FGF1: variants seen among roughly 807,000 people sequenced by gnomAD.
The protein encoded by FGF1 is fibroblast growth factor 1, also known as beta-endothelial cell growth factor.
A neutral mutation model predicts 13.4 loss-of-function variants in FGF1; 9 were observed. That is an observed-to-expected ratio of 0.67 (90% CI 0.40 to 1.17). The LOEUF is 1.17. Ranked by LOEUF, FGF1 falls within the 50% of genes most tolerant of loss-of-function variation. The probability of loss-of-function intolerance (pLI) is 0.01; values close to 1 mark genes in which losing one functional copy is unlikely to be tolerated. For synonymous variants in FGF1, 93 were observed against 79.0 expected (o/e 1.18, Z -0.94); for missense variants, 156 against 192.7 (o/e 0.81, Z 1.13).
intron 1 of FGF1, among the ~76,000 whole-genome samples, chr5:142,651,983 C>T (rs1767347056): frequency 6.6e-6 from 1 of 152,158 alleles, no homozygotes; most frequent in Admixed American, 6.5e-5. Context: ...TTAAGTGCTT[C>T]GTACCATGCG....
At chr5:142,635,800 G>A (rs1764154121) in intron 1 of FGF1, among the ~76,000 whole-genome samples, 1 of 152,336 alleles carries the variant, frequency 6.6e-6, no homozygotes, top group Non-Finnish European at 1.5e-5. Flanking sequence ...AGACTCCCTA[G>A]TCTGGGTGAT....
At position 142,594,443 on chromosome 5, in the gene FGF1, T is replaced by G. The variant is rs1430375616; in HGVS notation, c.*847A>C. Reference sequence around the variant, plus strand: ...TTTCTTTTTCCTTCTCCTTCTGAAATCATCCTCTTTTTATGGTATCCCCTC... The same window carrying G: ...TTTCTTTTTCCTTCTCCTTCTGAAAGCATCCTCTTTTTATGGTATCCCCTC... On this transcript the variant is annotated 3_prime_UTR_variant, in exon 4 of 4. Transcript: ENST00000337706. The G allele has an allele frequency of 6.6e-6, 1 of 152,360 alleles. No individual in the cohort carries two copies. The highest frequency in any genetic ancestry group is 1.9e-4 in the East Asian group (1 of 5,208). The allele number at this position is 152,360 out of a possible 1,614,324, so 9.4% of individuals were successfully genotyped here.
At chr5:142,631,893 C>T (rs570208678) in intron 1 of FGF1, among the ~76,000 whole-genome samples, 2 of 149,632 alleles carry the variant, frequency 1.3e-5, no homozygotes, top group South Asian at 4.2e-4. Flanking sequence ...AAGCGATTCT[C>T]CTGCCTCAGC....
At position 142,594,972 on chromosome 5, in the gene FGF1, C is replaced by A; in HGVS notation, c.*318G>T. On this transcript the variant is annotated 3_prime_UTR_variant, in exon 4 of 4. Transcript: ENST00000337706. ...GTTACTAATGTCCCACTTAGCCGACCCCTTAACACACTTCATTTAGCCCCA... is the reference window on the plus strand; with the variant it reads ...GTTACTAATGTCCCACTTAGCCGACACCTTAACACACTTCATTTAGCCCCA... 1 of 256,642 alleles carries A rather than the reference C, an allele frequency of 3.9e-6. No homozygotes were observed. Among genetic ancestry groups the A allele is most frequent in the South Asian group, 9.7e-5 (1 of 10,338 alleles). The allele number at this position is 256,642 out of a possible 1,614,324, so 15.9% of individuals were successfully genotyped here. A position where few individuals can be genotyped will look rare whatever the true frequency, so the allele number is the denominator to read the frequency against.
At chr5:142,599,458 A>G (rs555275739) in intron 3 of FGF1, among the ~76,000 whole-genome samples, 32 of 152,274 alleles carry the variant, frequency 2.1e-4, no homozygotes, top group Admixed American at 1.6e-3. Flanking sequence ...ATTCGATGTA[A>G]GTTGAAGCTC....
At chr5:142,600,874 G>T in intron 2 of FGF1, 69 bp from the exon 3 acceptor site, 1 of 1,153,554 alleles carries the variant, frequency 8.7e-7, no homozygotes, top group Non-Finnish European at 1.3e-6. Context: ...CCGGCAGCCA[G>T]GACAGTTGGC....
At chr5:142,662,708 A>T (rs1264054477) in intron 1 of FGF1, among the ~76,000 whole-genome samples, 2 of 152,220 alleles carry the variant, frequency 1.3e-5, no homozygotes, top group Non-Finnish European at 2.9e-5. Flanking sequence ...TGAAACAGAC[A>T]TCTCTTTGCC....
chr5:142,692,855 CA>C (rs1752464705), intron 2 of FGF1, among the ~76,000 whole-genome samples: 1 of 151,930 alleles, frequency 6.6e-6, no homozygotes, highest in African/African-American at 2.4e-5. Flanking sequence ...AACAAACAAA[CA>C]AACCCAATCT....
chr5:142,695,581 C>CAAAAAAAAAAAAAAAA (rs1202362613), intron 2 of FGF1, among the ~76,000 whole-genome samples: 1 of 117,310 alleles, frequency 8.5e-6, no homozygotes, highest in African/African-American at 3.6e-5. Flanking sequence ...GACTCTGTAT[C>CAAAAAAAAAAAAAAAA]AAAAAGAAAA....
At chr5:142,607,363 G>T (rs1250564868) in intron 2 of FGF1, among the ~76,000 whole-genome samples, 1 of 152,188 alleles carries the variant, frequency 6.6e-6, no homozygotes, top group African/African-American at 2.4e-5. Context: ...GGATCTAGGA[G>T]TTGCTATCTA....
chr5:142,636,519 A>G (rs1367840854), intron 1 of FGF1, among the ~76,000 whole-genome samples: 5 of 152,230 alleles, frequency 3.3e-5, no homozygotes, highest in African/African-American at 1.2e-4. Flanking sequence ...CATAAGGAAT[A>G]TTGTGAATAA....
intron 1 of FGF1, among the ~76,000 whole-genome samples, chr5:142,663,058 A>C (rs1021751361): frequency 6.6e-6 from 1 of 152,142 alleles, no homozygotes; most frequent in African/African-American, 2.4e-5. Context: ...TCCTGGGCTT[A>C]AACAATCCAC....
intron 1 of FGF1, among the ~76,000 whole-genome samples, chr5:142,628,371 G>A (rs185256990): frequency 1.7e-4 from 26 of 152,268 alleles, no homozygotes; most frequent in Admixed American, 5.2e-4. Context: ...TTAGCCGGGC[G>A]TGATGGCACA....
intron 1 of FGF1, among the ~76,000 whole-genome samples, chr5:142,650,185 G>T (rs112080914): frequency 0.045 from 6,800 of 152,250 alleles, 524 homozygotes; most frequent in African/African-American, 0.15. Context: ...GTAAGGGCGT[G>T]CAGGGGGAGG....
intron 2 of FGF1, among the ~76,000 whole-genome samples, chr5:142,693,337 C>A (rs1752543845): frequency 6.6e-6 from 1 of 152,072 alleles, no homozygotes; most frequent in Admixed American, 6.5e-5. Context: ...GTCGCCCAGG[C>A]TGGAGTGCAG....
intron 1 of FGF1, among the ~76,000 whole-genome samples, chr5:142,655,228 ACCCTT>A (rs1455818113): frequency 6.6e-6 from 1 of 152,194 alleles, no homozygotes; most frequent in Non-Finnish European, 1.5e-5. Context: ...GGCTTCGGTA[ACCCTT>A]TATGACGCTT....
chr5:142,611,037 G>T (rs74911483), intron 2 of FGF1, among the ~76,000 whole-genome samples: 2,973 of 152,278 alleles, frequency 0.02, 102 homozygotes, highest in African/African-American at 0.067. Context: ...TTTTAGAAAC[G>T]CTCTTTCTGA....
intron 1 of FGF1, among the ~76,000 whole-genome samples, chr5:142,635,460 C>T (rs956739289): frequency 6.6e-6 from 1 of 152,128 alleles, no homozygotes; most frequent in African/African-American, 2.4e-5. Context: ...AGAATATGCC[C>T]CCCCGCCCCT....
At chr5:142,666,834 G>A (rs1770470452) in intron 1 of FGF1, among the ~76,000 whole-genome samples, 1 of 151,990 alleles carries the variant, frequency 6.6e-6, no homozygotes, top group African/African-American at 2.4e-5. Flanking sequence ...CTACTCAGGA[G>A]GCTGAGGTGG....
Sources: gnomAD v4.1 joint callset for allele counts (sites outside exome capture counted in the v4.1 genomes callset) on GRCh38, gnomAD v4.1.1 for gene constraint, MANE v1.5 for transcripts, NCBI Gene and HGNC (gene_info 2026-07-23, HGNC 2026-07-21) for gene names.